Variants in GBE1 observed in about 807,000 individuals in gnomAD.
GBE1 encodes 1,4-alpha-glucan branching enzyme 1.
In GBE1, 70 loss-of-function variants were observed where a neutral mutation model predicts 88.8. That is an observed-to-expected ratio of 0.79 (90% CI 0.65 to 0.96). GBE1 has a LOEUF of 0.96. Ranked by LOEUF, GBE1 falls within the 40% of genes least tolerant of loss-of-function variation. The probability of loss-of-function intolerance (pLI) is 0.00; values close to 1 mark genes in which losing one functional copy is unlikely to be tolerated. For synonymous variants in GBE1, 284 were observed against 300.1 expected, an observed-to-expected ratio of 0.95 and a Z score of 0.56; for missense variants, 872 against 871.0, an observed-to-expected ratio of 1.00 and a Z score of -0.01.
chr3:81,612,569 A>G (rs1704197447), intron 7 of GBE1: 2 of 733,606 alleles, frequency 2.7e-6, no homozygotes, highest in Non-Finnish European at 4.8e-6. Flanking sequence ...AAATGTTGTT[A>G]CCCCCAAATT....
intron 2 of GBE1, among the ~76,000 whole-genome samples, chr3:81,689,159 T>C (rs1460738396): frequency 2.0e-5 from 3 of 152,244 alleles, no homozygotes; most frequent in African/African-American, 4.8e-5. Context: ...AATGTGTTTA[T>C]TAGATCTGTA....
intron 9 of GBE1, among the ~76,000 whole-genome samples, chr3:81,588,642 T>G (rs1371587546): frequency 6.6e-6 from 1 of 152,110 alleles, no homozygotes; most frequent in Non-Finnish European, 1.5e-5. Flanking sequence ...CAAAAAAAAG[T>G]ATCAAAGAAC....
At chr3:81,750,625 A>ATG (rs1706505248) in intron 1 of GBE1, among the ~76,000 whole-genome samples, 1 of 63,398 alleles carries the variant, frequency 1.6e-5, no homozygotes, top group South Asian at 4.0e-4. Context: ...ATGTATATAT[A>ATG]TATACGTATA....
chr3:81,624,648 A>G (rs573812278), intron 7 of GBE1, among the ~76,000 whole-genome samples: 12 of 150,784 alleles, frequency 8.0e-5, no homozygotes, highest in Non-Finnish European at 1.6e-4. Flanking sequence ...TGTGATACAC[A>G]CACATGCATA....
chr3:81,635,205 G>A (rs1358441671), intron 7 of GBE1, among the ~76,000 whole-genome samples: 1 of 152,138 alleles, frequency 6.6e-6, no homozygotes, highest in Non-Finnish European at 1.5e-5. Flanking sequence ...CCTAGAAGTA[G>A]ACAAGGAACC....
intron 14 of GBE1, 65 bp from the exon 15 acceptor site, chr3:81,499,292 A>G (rs1226833233): frequency 2.2e-6 from 2 of 926,510 alleles, no homozygotes; most frequent in East Asian, 2.6e-5. Context: ...ATACGTGCTG[A>G]GAGAGCAATT....
At chr3:81,492,905 AT>A (rs1559622842) in intron 15 of GBE1, among the ~76,000 whole-genome samples, 1 of 151,614 alleles carries the variant, frequency 6.6e-6, no homozygotes, top group African/African-American at 2.4e-5. Flanking sequence ...ACTCAGCTAA[AT>A]TTTGTATTTT....
chr3:81,662,055 G>T, intron 3 of GBE1, among the ~76,000 whole-genome samples: 1 of 150,930 alleles, frequency 6.6e-6, no homozygotes, highest in South Asian at 2.1e-4. Context: ...ATTTTTAGAC[G>T]AAGTTTCGCC....
chr3:81,749,010 A>AG (rs1445823261), intron 1 of GBE1, among the ~76,000 whole-genome samples: 7 of 134,888 alleles, frequency 5.2e-5, no homozygotes, highest in Non-Finnish European at 1.1e-4. Context: ...TGTCTCAAAA[A>AG]AAAAAAAAAA....
chr3:81,620,601 G>A lies in GBE1; in HGVS notation c.992+22180C>T, dbSNP rs143796485. 4.5e-3 allele frequency among the ~76,000 whole-genome samples: 689 copies of A among 152,210 alleles called. 4 individuals are homozygous for A. Among genetic ancestry groups the A allele is most frequent in the African/African-American group, 0.016 (658 of 41,536 alleles). On this transcript the variant is annotated intron_variant, in intron 7 of 15. Coordinates refer to ENST00000429644, the MANE Select transcript of GBE1 (RefSeq NM_000158.4). ...TATTTGAGCACAAGCATATGCTATG[G>A]AAATAAAGTCAAAAGGCAAGTCGCT...
intron 7 of GBE1, among the ~76,000 whole-genome samples, chr3:81,626,656 G>A (rs1011480177): frequency 3.3e-5 from 5 of 150,646 alleles, no homozygotes; most frequent in South Asian, 2.1e-4. Flanking sequence ...TGGCTAGAGC[G>A]TAGTAAGCAA....
chr3:81,723,819 G>A (rs1706071158), intron 1 of GBE1, among the ~76,000 whole-genome samples: 1 of 152,112 alleles, frequency 6.6e-6, no homozygotes, highest in Admixed American at 6.6e-5. Context: ...GACAGAGGCA[G>A]CCATGTAATT....
At chr3:81,698,493 C>T (rs953247825) in intron 2 of GBE1, among the ~76,000 whole-genome samples, 1 of 152,118 alleles carries the variant, frequency 6.6e-6, no homozygotes, top group Non-Finnish European at 1.5e-5. Context: ...ATGCAAAAGT[C>T]AATTAGGTTT....
chr3:81,659,044 G>GA (rs914436854), intron 3 of GBE1, among the ~76,000 whole-genome samples: 7 of 152,142 alleles, frequency 4.6e-5, no homozygotes, highest in Middle Eastern at 3.4e-3. Context: ...ATGAAAAGGG[G>GA]AAAAAATCAG....
chr3:81,675,933 C>T (rs1705245407), intron 2 of GBE1, among the ~76,000 whole-genome samples: 1 of 152,012 alleles, frequency 6.6e-6, no homozygotes, highest in African/African-American at 2.4e-5. Context: ...AAAGACCATA[C>T]AGGCACTATT....
At chr3:81,730,755 A>G (rs1706174887) in intron 1 of GBE1, among the ~76,000 whole-genome samples, 1 of 152,202 alleles carries the variant, frequency 6.6e-6, no homozygotes, top group Admixed American at 6.6e-5. Flanking sequence ...AAACTCTTAA[A>G]GGTTAACTTC....
intron 7 of GBE1, among the ~76,000 whole-genome samples, chr3:81,599,201 C>A (rs1348624915): frequency 6.6e-6 from 1 of 152,060 alleles, no homozygotes; most frequent in Non-Finnish European, 1.5e-5. Context: ...AAGTCATGTT[C>A]TTCTCTAATT....
chr3:81,627,898 CACCTA>C (rs1704441438), intron 7 of GBE1, among the ~76,000 whole-genome samples: 1 of 151,946 alleles, frequency 6.6e-6, no homozygotes, highest in Non-Finnish European at 1.5e-5. Flanking sequence ...GCGATCCTCC[CACCTA>C]AGCCTCCAAA....
intron 1 of GBE1, among the ~76,000 whole-genome samples, chr3:81,719,225 G>C (rs1705985681): frequency 6.6e-6 from 1 of 151,980 alleles, no homozygotes; most frequent in Non-Finnish European, 1.5e-5. Flanking sequence ...TCGTTTGGTT[G>C]GTTGGTTTTG....
Sources: allele counts gnomAD v4.1 joint callset (sites outside exome capture counted in the v4.1 genomes callset), GRCh38; gene constraint gnomAD v4.1.1; transcripts MANE v1.5; gene names NCBI Gene and HGNC (gene_info 2026-07-23, HGNC 2026-07-21).